Variants in CTNNBL1 observed in about 807,000 individuals in gnomAD.
CTNNBL1 encodes the protein catenin beta like 1, also known as beta-catenin-like protein 1.
Under a neutral mutation model 72.7 loss-of-function variants are expected in CTNNBL1, and 31 were observed. The observed-to-expected ratio is 0.43, with a 90% CI of 0.32 to 0.58. The LOEUF (loss-of-function observed/expected upper bound fraction) is 0.58, where lower values mean the gene tolerates loss of function less well. Ranked by LOEUF, CTNNBL1 falls within the 20% of genes least tolerant of loss-of-function variation. The pLI is 0.08. For missense variants in CTNNBL1, 534 were observed against 725.1 expected, an observed-to-expected ratio of 0.74 and a Z score of 3.03; for synonymous variants, 240 against 267.3, an observed-to-expected ratio of 0.90 and a Z score of 1.00.
chr20:37,724,727 C>T (rs191085974), intron 1 of CTNNBL1, among the ~76,000 whole-genome samples: 1 of 152,228 alleles, frequency 6.6e-6, no homozygotes, highest in East Asian at 1.9e-4. Context: ...CAAGCATTTT[C>T]CGAGAAATGA....
chr20:37,715,350 C>T (rs1237550044), intron 1 of CTNNBL1, among the ~76,000 whole-genome samples: 1 of 152,154 alleles, frequency 6.6e-6, no homozygotes, highest in Non-Finnish European at 1.5e-5. Context: ...TATCACCTAC[C>T]TAGAAGAGTT....
chr20:37,812,329 A>T (rs1160476401), intron 11 of CTNNBL1, among the ~76,000 whole-genome samples: 1 of 152,212 alleles, frequency 6.6e-6, no homozygotes, highest in African/African-American at 2.4e-5. Context: ...TCATGTTTAC[A>T]TATAGGATAT....
intron 11 of CTNNBL1, among the ~76,000 whole-genome samples, chr20:37,831,618 G>A (rs570294639): frequency 5.3e-5 from 8 of 152,170 alleles, no homozygotes; most frequent in Non-Finnish European, 8.8e-5. Flanking sequence ...TGCCCGCCTC[G>A]GCCTCCCAAA....
At chr20:37,754,588 C>A (rs576005443) in intron 4 of CTNNBL1, among the ~76,000 whole-genome samples, 7 of 152,002 alleles carry the variant, frequency 4.6e-5, no homozygotes, top group African/African-American at 1.7e-4. Flanking sequence ...ACATTTTATT[C>A]TTTTCCTTGA....
chr20:37,764,417 A>G (rs1404291195), intron 5 of CTNNBL1, among the ~76,000 whole-genome samples: 1 of 152,188 alleles, frequency 6.6e-6, no homozygotes, highest in African/African-American at 2.4e-5. Flanking sequence ...ATGAAGTAGT[A>G]AAAGCATTAT....
rs1159547456 is a variant in CTNNBL1, at chr20:37,765,201, A to G, written c.569A>G (p.Asp190Gly). 9.0e-6 allele frequency: 14 copies of G among 1,550,704 alleles called. No individual in the cohort carries two copies. Among genetic ancestry groups the G allele is most frequent in the Non-Finnish European group, 1.2e-5 (14 of 1,146,158 alleles). Reference protein sequence around the residue: ...GAEVLIDALVDGQVVALLVQN... With the variant: ...GAEVLIDALVGGQVVALLVQN... ...TTTGCTTCGCTATTCTTGCAGGTGG[A>G]TGGGCAGGTGGTAGCACTGCTGGTA... The change falls in exon 6 of 16, where the codon GAT becomes GGT. Residue 190 changes from aspartate to glycine, a missense_variant. Physicochemically the swap from Asp to Gly is moderately conservative, Grantham distance 94. Coordinates refer to ENST00000361383, the MANE Select transcript of CTNNBL1 (RefSeq NM_030877.5).
intron 1 of CTNNBL1, among the ~76,000 whole-genome samples, chr20:37,717,074 C>G (rs2072992148): frequency 1.3e-5 from 2 of 149,790 alleles, no homozygotes; most frequent in Non-Finnish European, 2.9e-5. Context: ...ATCATTCATT[C>G]CCCCCTTCCC....
chr20:37,810,472 A>T (rs529834245), intron 11 of CTNNBL1, among the ~76,000 whole-genome samples: 1 of 152,266 alleles, frequency 6.6e-6, no homozygotes, highest in East Asian at 1.9e-4. Context: ...ACCTCTCAAC[A>T]CCATAACATT....
intron 11 of CTNNBL1, among the ~76,000 whole-genome samples, chr20:37,827,494 A>G (rs2072170146): frequency 6.6e-6 from 1 of 152,220 alleles, no homozygotes; most frequent in Non-Finnish European, 1.5e-5. Context: ...GAACTGTTCA[A>G]AGTTACAGAG....
At chr20:37,746,765 C>T in intron 4 of CTNNBL1, 158 bp downstream of exon 4, 1 of 1,003,514 alleles carries the variant, frequency 1.0e-6, no homozygotes, top group East Asian at 2.6e-5. Flanking sequence ...GCTTTTTACT[C>T]ATTTGAAAAC....
At chr20:37,780,354 G>T (rs913475417) in intron 10 of CTNNBL1, among the ~76,000 whole-genome samples, 3 of 152,048 alleles carry the variant, frequency 2.0e-5, no homozygotes, top group African/African-American at 2.4e-5. Flanking sequence ...GTTAAGTACT[G>T]GGCATACACA....
At chr20:37,837,316 C>T (rs2072263825) in intron 11 of CTNNBL1, among the ~76,000 whole-genome samples, 1 of 152,136 alleles carries the variant, frequency 6.6e-6, no homozygotes. Flanking sequence ...CCTCATCCCA[C>T]CCCAGTGAGT....
rs1286778395 is a variant in CTNNBL1, at chr20:37,796,962, C to T, written c.1032-5905C>T. Among the ~76,000 whole-genome samples the T allele has an allele frequency of 3.9e-5, 6 of 152,124 alleles. No homozygotes were observed. The East Asian group carries it at 5.8e-4, about 15-fold the overall frequency. ...GGCCAAGTGTGAAGTCTGTGGCGGG[C>T]GGTGGGGGTGATATGGGTAGTGATG... On this transcript the variant is annotated intron_variant, in intron 10 of 15. Transcript: ENST00000361383.
intron 11 of CTNNBL1, among the ~76,000 whole-genome samples, chr20:37,837,017 C>T (rs2077013436): frequency 6.6e-6 from 1 of 152,132 alleles, no homozygotes; most frequent in African/African-American, 2.4e-5. Flanking sequence ...TTATTATGGC[C>T]TGTCCCATAT....
At chr20:37,866,218 C>G (rs1055255775) in intron 15 of CTNNBL1, among the ~76,000 whole-genome samples, 5 of 152,232 alleles carry the variant, frequency 3.3e-5, no homozygotes, top group Non-Finnish European at 7.3e-5. Flanking sequence ...AAAGATGTCA[C>G]ATTTGCCTTA....
At chr20:37,764,678 A>G (rs959095825) in intron 5 of CTNNBL1, among the ~76,000 whole-genome samples, 2 of 152,258 alleles carry the variant, frequency 1.3e-5, no homozygotes, top group East Asian at 1.9e-4. Context: ...TAAATTCTTC[A>G]TAAGTAGTAG....
rs142494624 is a variant in CTNNBL1, at chr20:37,777,626, T to C, written c.824-28T>C. 8.1e-6 allele frequency: 13 copies of C among 1,610,074 alleles called. No individual in the cohort carries two copies. The African/African-American group carries it at 1.7e-4, about 21-fold the overall frequency. On this transcript the variant is annotated intron_variant, in intron 8 of 15. Transcript: ENST00000361383. ...AAATCTGACAGTTAGGTTCATTTTT[T>C]TTCTTCCTCTATTTTTTTCCCCTTT...
intron 4 of CTNNBL1, among the ~76,000 whole-genome samples, chr20:37,756,861 G>C (rs190090859): frequency 6.6e-6 from 1 of 151,438 alleles, no homozygotes; most frequent in South Asian, 2.1e-4. Context: ...TGCCCAGGCT[G>C]GTTTCAAACT....
chr20:37,713,343 C>T (rs2072955637), intron 1 of CTNNBL1, among the ~76,000 whole-genome samples: 1 of 152,156 alleles, frequency 6.6e-6, no homozygotes, highest in African/African-American at 2.4e-5. Context: ...TTTTTTCCCC[C>T]TCCCCTCTCT....
Sources: allele counts gnomAD v4.1 joint callset (sites outside exome capture counted in the v4.1 genomes callset), GRCh38; gene constraint gnomAD v4.1.1; transcripts MANE v1.5; gene names NCBI Gene and HGNC (gene_info 2026-07-23, HGNC 2026-07-21).